DPYD: variants seen among roughly 807,000 people sequenced by gnomAD.
DPYD encodes the protein dihydropyrimidine dehydrogenase.
DPYD carries 109 observed loss-of-function variants against 116.2 expected under a neutral mutation model. That is an observed-to-expected ratio of 0.94 (90% CI 0.80 to 1.10). The LOEUF is 1.10. Among genes scored for constraint, DPYD ranks in the 50% least tolerant of loss-of-function variants. DPYD has a pLI of 0.00. For synonymous variants in DPYD, 440 were observed against 432.0 expected (o/e 1.02, Z -0.23); for missense variants, 1,302 against 1,254.5 (o/e 1.04, Z -0.57).
intron 7 of DPYD, among the ~76,000 whole-genome samples, chr1:97,688,677 C>G (rs1357025422): frequency 2.0e-5 from 3 of 151,768 alleles, no homozygotes; most frequent in Non-Finnish European, 1.5e-5. Flanking sequence ...TAAAGCAAAA[C>G]AAAACAAAAA....
rs187056068 is a variant in DPYD at position 97,543,995 on chromosome 1, T to A, written c.1524+5565A>T. Among the ~76,000 whole-genome samples, 577 of 152,208 alleles carry A rather than the reference T, an allele frequency of 3.8e-3. 1 individual carries two copies. The highest frequency in any genetic ancestry group is 6.0e-3 in the Non-Finnish European group (411 of 68,008). ...GGGAAAGGCCCAGATTCAGGAGAAA[T>A]CTTGGTATGCTTGGGGACATTCAAA... is the stretch of plus-strand genomic sequence containing the variant. On this transcript the variant is annotated intron_variant, in intron 12 of 22. Coordinates refer to ENST00000370192, the MANE Select transcript of DPYD (RefSeq NM_000110.4).
chr1:97,681,649 T>C (rs1227863638), intron 7 of DPYD, among the ~76,000 whole-genome samples: 4 of 152,138 alleles, frequency 2.6e-5, no homozygotes, highest in Non-Finnish European at 5.9e-5. Flanking sequence ...TCGATGCTAT[T>C]AAAATCATCT....
intron 18 of DPYD, among the ~76,000 whole-genome samples, chr1:97,291,581 G>C (rs536154625): frequency 6.6e-6 from 1 of 151,776 alleles, no homozygotes; most frequent in Non-Finnish European, 1.5e-5. Context: ...GTAAACTATC[G>C]CAAGGACAAA....
intron 7 of DPYD, among the ~76,000 whole-genome samples, chr1:97,683,292 T>C (rs1396176896): frequency 6.6e-6 from 1 of 151,892 alleles, no homozygotes; most frequent in Non-Finnish European, 1.5e-5. Context: ...AGAGAAATAA[T>C]ATGATTTTAT....
intron 2 of DPYD, among the ~76,000 whole-genome samples, chr1:97,845,511 A>G (rs1022993430): frequency 6.6e-5 from 10 of 152,216 alleles, no homozygotes; most frequent in African/African-American, 2.4e-4. Flanking sequence ...GCTGCTAACC[A>G]CTATGGGTCT....
intron 13 of DPYD, among the ~76,000 whole-genome samples, chr1:97,484,655 T>A (rs2101889454): frequency 6.6e-6 from 1 of 152,322 alleles, no homozygotes; most frequent in East Asian, 1.9e-4. Flanking sequence ...ACAGTCTCTA[T>A]TTTTCCTGTC....
intron 14 of DPYD, among the ~76,000 whole-genome samples, chr1:97,416,436 T>A (rs1161430970): frequency 6.6e-6 from 1 of 152,210 alleles, no homozygotes; most frequent in African/African-American, 2.4e-5. Context: ...ACTCTCTGAT[T>A]TTCTTTATCC....
At chr1:97,546,776 G>A in intron 12 of DPYD, 1 of 1,613,096 alleles carries the variant, frequency 6.2e-7, no homozygotes, top group East Asian at 2.2e-5. Flanking sequence ...GTGTTTCTGA[G>A]ATCAGACTCC....
At chr1:97,102,399 A>ATATATATG (rs1442421057) in intron 20 of DPYD, among the ~76,000 whole-genome samples, 1 of 136,692 alleles carries the variant, frequency 7.3e-6, no homozygotes, top group Non-Finnish European at 1.6e-5. Context: ...TCAGTATCAT[A>ATATATATG]TATATATATA....
At chr1:97,225,313 C>T (rs1291420048) in intron 19 of DPYD, among the ~76,000 whole-genome samples, 2 of 151,910 alleles carry the variant, frequency 1.3e-5, no homozygotes, top group African/African-American at 4.8e-5. Context: ...GATAATATCT[C>T]ATTGTAGTTT....
chr1:97,241,180 A>C (rs756164691), intron 18 of DPYD, among the ~76,000 whole-genome samples: 1 of 151,970 alleles, frequency 6.6e-6, no homozygotes, highest in Non-Finnish European at 1.5e-5. Context: ...TAGTGGATTC[A>C]TATTAAATAA....
Position 97,208,121 on chromosome 1 carries a change from G to A in DPYD, c.2443-14873C>T, listed in dbSNP as rs564472558. On this transcript the variant is annotated intron_variant, in intron 19 of 22. Transcript: ENST00000370192. The stretch of plus-strand genomic sequence containing the variant: ...AATAGATTATTCTGAATTTTTACCA[G>A]AAGAGAGCAATTGTTTTTGTTTTTT... Among the ~76,000 whole-genome samples the A allele has an allele frequency of 9.2e-5, 14 of 152,060 alleles. No individual in the cohort carries two copies. The East Asian group carries it at 2.5e-3, about 27-fold the overall frequency.
At chr1:97,485,798 T>C (rs1177886387) in intron 13 of DPYD, among the ~76,000 whole-genome samples, 2 of 152,192 alleles carry the variant, frequency 1.3e-5, no homozygotes, top group Non-Finnish European at 2.9e-5. Flanking sequence ...ATATCTGCAG[T>C]TGGCTAAGTA....
intron 3 of DPYD, among the ~76,000 whole-genome samples, chr1:97,773,342 A>C (rs970085401): frequency 2.0e-5 from 3 of 152,208 alleles, no homozygotes; most frequent in Non-Finnish European, 4.4e-5. Flanking sequence ...ACATATTAGG[A>C]TATTAGTAAA....
chr1:97,143,434 T>C, intron 20 of DPYD, among the ~76,000 whole-genome samples: 1 of 152,084 alleles, frequency 6.6e-6, no homozygotes, highest in Non-Finnish European at 1.5e-5. Context: ...ATAACCACTA[T>C]CTAATGCTGA....
intron 8 of DPYD, among the ~76,000 whole-genome samples, chr1:97,618,382 T>C (rs1008904852): frequency 1.2e-4 from 18 of 151,160 alleles, no homozygotes; most frequent in African/African-American, 4.4e-4. Context: ...TTTTTCTTTT[T>C]TTTTTTTTTT....
chr1:97,294,954 T>C (rs1206230515), intron 18 of DPYD, among the ~76,000 whole-genome samples: 1 of 152,178 alleles, frequency 6.6e-6, no homozygotes, highest in Non-Finnish European at 1.5e-5. Flanking sequence ...AGAATAAATG[T>C]TAGATTAGTA....
chr1:97,284,631 T>C (rs540376716), intron 18 of DPYD, among the ~76,000 whole-genome samples: 3 of 152,218 alleles, frequency 2.0e-5, no homozygotes, highest in Non-Finnish European at 2.9e-5. Flanking sequence ...ATCAATTTCA[T>C]TTATGAATAT....
Position 97,391,803 on chromosome 1 carries a change from G to T in DPYD, c.1906-9342C>A, listed in dbSNP as rs1672719169. 2.6e-5 allele frequency among the ~76,000 whole-genome samples: 4 copies of T among 152,040 alleles called. No individual in the cohort carries two copies. In the South Asian group the frequency reaches 8.3e-4, roughly 32 times the overall value. On this transcript the variant is annotated intron_variant, in intron 14 of 22. Transcript: ENST00000370192. ...ATCCAATTTCAGGATAAAATAATAG[G>T]CTATACAAGACCATAGTGCAACTTT...
Sources: gnomAD v4.1 joint callset for allele counts (sites outside exome capture counted in the v4.1 genomes callset) on GRCh38, gnomAD v4.1.1 for gene constraint, MANE v1.5 for transcripts, NCBI Gene and HGNC (gene_info 2026-07-23, HGNC 2026-07-21) for gene names.